The following PPFIA3 variants were observed in gnomAD, a reference collection of about 807,000 sequenced individuals.
PPFIA3 encodes the protein liprin-alpha-3.
A neutral mutation model predicts 145.8 loss-of-function variants in PPFIA3; 26 were observed. That is an observed-to-expected ratio of 0.18 (90% CI 0.13 to 0.25). The LOEUF is 0.25. Ranked by LOEUF, PPFIA3 falls within the 10% of genes least tolerant of loss-of-function variation. The probability of loss-of-function intolerance (pLI) is 1.00; values close to 1 mark genes in which losing one functional copy is unlikely to be tolerated. For missense variants in PPFIA3, 1,008 were observed against 1,587.8 expected, an observed-to-expected ratio of 0.63 and a Z score of 6.21; for synonymous variants, 645 against 661.4, an observed-to-expected ratio of 0.98 and a Z score of 0.38.
At chr19:49,126,792 C>G (rs2041004623) in intron 1 of PPFIA3, among the ~76,000 whole-genome samples, 1 of 151,856 alleles carries the variant, frequency 6.6e-6, no homozygotes, top group African/African-American at 2.4e-5. Flanking sequence ...GTTTTCCTAC[C>G]CATGCAGTGG....
In PPFIA3 at chr19:49,133,479, G is replaced by A; in HGVS notation, c.1161+108G>A. The A allele has an allele frequency of 7.5e-7, 1 of 1,342,132 alleles. No individual in the cohort carries two copies. Among genetic ancestry groups the A allele is most frequent in the Non-Finnish European group, 9.9e-7 (1 of 1,011,362 alleles). 83.1% of individuals were successfully genotyped at this position (1,342,132 alleles called of 1,614,324 possible). A position where few individuals can be genotyped will look rare whatever the true frequency, so the allele number is the denominator to read the frequency against. On this transcript the variant is annotated intron_variant, in intron 9 of 29. Transcript: ENST00000334186. The surrounding 1 kb of genome is among the most constrained non-coding windows in gnomAD (Gnocchi z 7.2). ...GGAGCGAGGTCAGAACCCCGGATTT[G>A]GGGGAAAGGGTGGGGCCTAGGGGCT...
chr19:49,125,939 T>TTTTG (rs1487965527), intron 1 of PPFIA3, among the ~76,000 whole-genome samples: 1 of 150,372 alleles, frequency 6.7e-6, no homozygotes, highest in Non-Finnish European at 1.5e-5. Flanking sequence ...TTTTGTTTTT[T>TTTTG]TTTGTTTGTT....
intron 21 of PPFIA3, among the ~76,000 whole-genome samples, chr19:49,145,333 C>G (rs888883765): frequency 6.6e-6 from 1 of 152,202 alleles, no homozygotes; most frequent in Non-Finnish European, 1.5e-5. Flanking sequence ...AGGTGTGAGC[C>G]ACCACGCCTG....
chr19:49,146,219 C>T, intron 23 of PPFIA3, 27 bp downstream of exon 23: 4 of 1,611,510 alleles, frequency 2.5e-6, no homozygotes, highest in Non-Finnish European at 3.4e-6. Context: ...GGGGCGTGAG[C>T]GCATGAACAG....
At chr19:49,141,340 AT>A in intron 18 of PPFIA3, 79 bp from the exon 19 acceptor site, 1 of 1,132,662 alleles carries the variant, frequency 8.8e-7, no homozygotes, top group South Asian at 1.3e-5. Context: ...CCTTTCCGGC[AT>A]TTTCCTCATC....
intron 20 of PPFIA3, among the ~76,000 whole-genome samples, chr19:49,142,565 C>T (rs1307511659): frequency 1.7e-4 from 25 of 146,990 alleles, no homozygotes; most frequent in Middle Eastern, 6.9e-3. Context: ...CTCTCCCTCT[C>T]CCTCTTCCCC....
In PPFIA3 at chr19:49,148,982, T is replaced by A; in HGVS notation, c.3110-11T>A. 6.2e-7 allele frequency: 1 copy of A among 1,612,538 alleles called. No individual in the cohort carries two copies. The highest frequency in any genetic ancestry group is 8.5e-7 in the Non-Finnish European group (1 of 1,179,142). On this transcript the variant is annotated splice_polypyrimidine_tract_variant and intron_variant, in intron 25 of 29. Coordinates refer to ENST00000334186, the MANE Select transcript of PPFIA3 (RefSeq NM_003660.4). Reference sequence around the variant, plus strand: ...GGGAGGGGCACGGCTGAGGGTCCCTTCCGTCCCCAGACGTGATGGTGTGGT... The same window carrying A: ...GGGAGGGGCACGGCTGAGGGTCCCTACCGTCCCCAGACGTGATGGTGTGGT...
intron 14 of PPFIA3, 62 bp downstream of exon 14, chr19:49,135,985 GA>G: frequency 4.1e-6 from 6 of 1,454,960 alleles, no homozygotes; most frequent in Non-Finnish European, 5.4e-6. Context: ...GTAGGAAGTG[GA>G]ACTAAATCTG....
chr19:49,133,367 A>G lies in PPFIA3; in HGVS notation c.1157A>G (p.Asn386Ser), dbSNP rs2041098162. 4 of 1,603,896 alleles carry G rather than the reference A, an allele frequency of 2.5e-6. No homozygotes were observed. Among genetic ancestry groups the G allele is most frequent in the Non-Finnish European group, 2.6e-6 (3 of 1,175,638 alleles). ...AQLAQRVAAL[N>S]KAEERHGNFE... The stretch of plus-strand genomic sequence containing the variant: ...CTGGCGCAGCGCGTGGCGGCGCTCA[A>G]CAAGGTGCGGGGAGGACTCGGGTCG... The change falls in exon 9 of 30, where the codon AAC becomes AGC. Residue 386 changes from asparagine to serine, a missense_variant. Physicochemically the swap from Asn to Ser is conservative, Grantham distance 46. Coordinates refer to ENST00000334186, the MANE Select transcript of PPFIA3 (RefSeq NM_003660.4). The surrounding 1 kb of genome is among the most constrained non-coding windows in gnomAD (Gnocchi z 7.2).
chr19:49,136,395 G>A (rs985198299), intron 14 of PPFIA3, among the ~76,000 whole-genome samples: 2 of 152,158 alleles, frequency 1.3e-5, no homozygotes, highest in Non-Finnish European at 2.9e-5. Context: ...TCAGGAGTTC[G>A]ACAGCAGCCT....
chr19:49,138,162 C>CT, intron 15 of PPFIA3, 43 bp from the exon 16 acceptor site: 1 of 1,513,964 alleles, frequency 6.6e-7, no homozygotes, highest in Non-Finnish European at 8.9e-7. Flanking sequence ...CTCCCGCTGT[C>CT]TGCTGCGGCC....
chr19:49,145,191 C>T (rs949099725), intron 21 of PPFIA3, among the ~76,000 whole-genome samples: 1 of 152,000 alleles, frequency 6.6e-6, no homozygotes, highest in African/African-American at 2.4e-5. Context: ...CTCTGCCTCC[C>T]GAAGTGCTAG....
Position 49,128,129 on chromosome 19 carries a change from G to C in PPFIA3, c.240+16G>C, listed in dbSNP as rs1438700698. Reference sequence around the variant, plus strand: ...GCTGCCCCAGGTCTGGGCGGGACAGGGGCGGGGCATGAGGGGGCGGGGCCT... The same window carrying C: ...GCTGCCCCAGGTCTGGGCGGGACAGCGGCGGGGCATGAGGGGGCGGGGCCT... On this transcript the variant is annotated intron_variant, in intron 2 of 29. Coordinates refer to ENST00000334186, the MANE Select transcript of PPFIA3 (RefSeq NM_003660.4). This position sits in a 1 kb window ranked among gnomAD's most constrained non-coding sequence, Gnocchi z 4.1. 1 of 1,513,138 alleles carries C rather than the reference G, an allele frequency of 6.6e-7. No homozygotes were observed. Among genetic ancestry groups the C allele is most frequent in the African/African-American group, 1.4e-5 (1 of 72,550 alleles). 93.7% of individuals were successfully genotyped at this position (1,513,138 alleles called of 1,614,324 possible).
chr19:49,138,334 C>A lies in PPFIA3; in HGVS notation c.1983C>A (p.Thr661=), dbSNP rs771624727. ...GCTCCCTGCCCCCCTCCCTCACCAC[C>A]TCTACCCTTGCCAGCCCCTCCCCTC... is the stretch of plus-strand genomic sequence containing the variant. ...SSCSLPPSLT[T]STLASPSPPS... Residue 661 remains threonine, a synonymous_variant, in exon 16 of 30, where the codon ACC becomes ACA. Coordinates refer to ENST00000334186, the MANE Select transcript of PPFIA3 (RefSeq NM_003660.4). 9 of 1,612,102 alleles carry A rather than the reference C, an allele frequency of 5.6e-6. No homozygotes were observed. Among genetic ancestry groups the A allele is most frequent in the Non-Finnish European group, 7.6e-6 (9 of 1,179,334 alleles).
Position 49,133,978 on chromosome 19 carries a change from G to A in PPFIA3, c.1246-56G>A. 6.2e-7 allele frequency: 1 copy of A among 1,604,622 alleles called. No individual in the cohort carries two copies. Among genetic ancestry groups the A allele is most frequent in the Non-Finnish European group, 8.5e-7 (1 of 1,175,150 alleles). On this transcript the variant is annotated intron_variant, in intron 10 of 29. Coordinates refer to ENST00000334186, the MANE Select transcript of PPFIA3 (RefSeq NM_003660.4). This position sits in a 1 kb window ranked among gnomAD's most constrained non-coding sequence, Gnocchi z 7.2. ...GGCCCGGGGGTGGGGCTTAGAGGAA[G>A]GGCCGTGGTCTGGGCAGGGTGGGCT...
intron 5 of PPFIA3, 73 bp downstream of exon 5, chr19:49,129,527 G>T (rs2041044078): frequency 6.8e-7 from 1 of 1,465,624 alleles, no homozygotes; most frequent in Admixed American, 2.0e-5. Flanking sequence ...GGGCGGAGCC[G>T]GTTGGGTGGG....
At chr19:49,124,038 C>T (rs1226532121) in intron 1 of PPFIA3, among the ~76,000 whole-genome samples, 1 of 152,094 alleles carries the variant, frequency 6.6e-6, no homozygotes. Context: ...GCTCAATTCT[C>T]AACATGCATC....
In PPFIA3 at chr19:49,143,076, C is replaced by T; in HGVS notation, c.2745+72C>T. ...GCCTCTTGCCCTCAGTCTAGCCAAT[C>T]CTGGGCCTGCTCACTCCCCTGTCCC... On this transcript the variant is annotated intron_variant, in intron 21 of 29. Coordinates refer to ENST00000334186, the MANE Select transcript of PPFIA3 (RefSeq NM_003660.4). 4 of 1,509,370 alleles carry T rather than the reference C, an allele frequency of 2.7e-6. No individual in the cohort carries two copies. In the East Asian group the frequency reaches 6.9e-5, roughly 26 times the overall value. The allele number at this position is 1,509,370 out of a possible 1,614,324, so 93.5% of individuals were successfully genotyped here.
intron 7 of PPFIA3, among the ~76,000 whole-genome samples, chr19:49,132,599 C>A (rs915809254): frequency 1.3e-4 from 19 of 151,984 alleles, no homozygotes; most frequent in African/African-American, 4.6e-4. Flanking sequence ...AGAGGTGTTG[C>A]CTTCTAGGTA....
Sources: gnomAD v4.1 joint callset for allele counts (sites outside exome capture counted in the v4.1 genomes callset) on GRCh38, gnomAD v4.1.1 for gene constraint, Gnocchi (gnomAD v3.1) non-coding constraint, MANE v1.5 for transcripts, NCBI Gene and HGNC (gene_info 2026-07-23, HGNC 2026-07-21) for gene names.